The following SYT9 variants were observed in gnomAD, a reference collection of about 807,000 sequenced individuals.
SYT9 encodes the protein synaptotagmin 9.
A neutral mutation model predicts 48.4 loss-of-function variants in SYT9; 22 were observed. The observed-to-expected ratio is 0.45, with a 90% CI of 0.32 to 0.65. The LOEUF is 0.65. Ranked by LOEUF, SYT9 falls within the 30% of genes least tolerant of loss-of-function variation. The probability of loss-of-function intolerance (pLI) is 0.03; values close to 1 mark genes in which losing one functional copy is unlikely to be tolerated. For missense variants in SYT9, 577 were observed against 622.0 expected, an observed-to-expected ratio of 0.93 and a Z score of 0.77; for synonymous variants, 265 against 245.0, an observed-to-expected ratio of 1.08 and a Z score of -0.76.
chr11:7,310,648 G>A (rs746518205), intron 2 of SYT9, among the ~76,000 whole-genome samples: 17 of 151,884 alleles, frequency 1.1e-4, no homozygotes, highest in Non-Finnish European at 1.8e-4. Context: ...GGGTTTCACT[G>A]TGTTAGCCAG....
intron 6 of SYT9, chr11:7,453,980 T>C (rs67239573): frequency 0.29 from 283,945 of 981,686 alleles, 43,083 homozygotes; most frequent in African/African-American, 0.49. Flanking sequence ...GCACCCTCTG[T>C]GGTCTCCTCT....
intron 2 of SYT9, among the ~76,000 whole-genome samples, chr11:7,312,306 C>A (rs73395942): frequency 0.011 from 1,645 of 152,232 alleles, 30 homozygotes; most frequent in African/African-American, 0.038. Context: ...AAGAGAAGGG[C>A]AAATTCAAAT....
intron 3 of SYT9, among the ~76,000 whole-genome samples, chr11:7,348,092 C>T (rs1314526990): frequency 1.3e-5 from 2 of 152,190 alleles, no homozygotes; most frequent in African/African-American, 4.8e-5. Context: ...TTTAAAGGAA[C>T]TCTTTCTGCA....
intron 3 of SYT9, among the ~76,000 whole-genome samples, chr11:7,363,070 A>T (rs1850176509): frequency 7.2e-6 from 1 of 138,772 alleles, no homozygotes; most frequent in Non-Finnish European, 1.5e-5. Flanking sequence ...TCCATGAGTC[A>T]CCAGTGTCTG....
chr11:7,371,178 T>C (rs183990434), intron 3 of SYT9, among the ~76,000 whole-genome samples: 161 of 152,264 alleles, frequency 1.1e-3, no homozygotes, highest in Admixed American at 3.9e-3. Flanking sequence ...GTTAAAGAGA[T>C]TGGTTGTTTC....
intron 3 of SYT9, among the ~76,000 whole-genome samples, chr11:7,393,709 C>T (rs1846684985): frequency 6.6e-6 from 1 of 152,092 alleles, no homozygotes; most frequent in South Asian, 2.1e-4. Flanking sequence ...GCTGTGAATC[C>T]ATCTTGTCCA....
At chr11:7,457,574 CTTA>C (rs1170140272) in intron 6 of SYT9, 2 of 152,198 alleles carry the variant, frequency 1.3e-5, no homozygotes, top group African/African-American at 4.8e-5. Flanking sequence ...TTACTGATTT[CTTA>C]GATAAATTCT....
At chr11:7,266,311 T>C (rs1848180630) in intron 1 of SYT9, among the ~76,000 whole-genome samples, 1 of 152,170 alleles carries the variant, frequency 6.6e-6, no homozygotes, top group Admixed American at 6.5e-5. Flanking sequence ...TGTGTATTAC[T>C]TTAATTTTGA....
At chr11:7,403,818 A>T (rs1846947833) in intron 3 of SYT9, among the ~76,000 whole-genome samples, 1 of 152,158 alleles carries the variant, frequency 6.6e-6, no homozygotes, top group Non-Finnish European at 1.5e-5. Context: ...TCTTTATAAA[A>T]TGCCATTAGT....
intron 3 of SYT9, among the ~76,000 whole-genome samples, chr11:7,337,905 A>G (rs1480952864): frequency 2.0e-5 from 3 of 152,114 alleles, no homozygotes; most frequent in Non-Finnish European, 4.4e-5. Context: ...TCCCTCCTCC[A>G]CAGTTTTTTA....
intron 6 of SYT9, among the ~76,000 whole-genome samples, chr11:7,432,141 C>T (rs1847587052): frequency 6.6e-6 from 1 of 152,176 alleles, no homozygotes; most frequent in African/African-American, 2.4e-5. Flanking sequence ...TCCCTGGGGG[C>T]CAACCCTGCA....
chr11:7,421,823 T>C (rs935548260), intron 6 of SYT9, among the ~76,000 whole-genome samples: 1 of 152,198 alleles, frequency 6.6e-6, no homozygotes, highest in African/African-American at 2.4e-5. Context: ...AAAGATGACA[T>C]GTAAACTAAT....
At chr11:7,446,983 C>T (rs1198444430) in intron 6 of SYT9, among the ~76,000 whole-genome samples, 1 of 152,238 alleles carries the variant, frequency 6.6e-6, no homozygotes, top group East Asian at 1.9e-4. Flanking sequence ...GGCCCAGAGG[C>T]ATACATCCTG....
intron 1 of SYT9, among the ~76,000 whole-genome samples, chr11:7,302,786 T>C (rs945115631): frequency 1.3e-5 from 2 of 152,190 alleles, no homozygotes; most frequent in South Asian, 2.1e-4. Context: ...TAGCAGGCTG[T>C]TTATTGTTTC....
chr11:7,274,355 T>C (rs1848349188), intron 1 of SYT9, among the ~76,000 whole-genome samples: 1 of 150,468 alleles, frequency 6.6e-6, no homozygotes, highest in Non-Finnish European at 1.5e-5. Context: ...TCTTACTCTG[T>C]TGCCTAGGCT....
chr11:7,327,864 T>C (rs1440425932), intron 3 of SYT9, among the ~76,000 whole-genome samples: 3 of 80,996 alleles, frequency 3.7e-5, no homozygotes, highest in East Asian at 4.1e-4. Context: ...TAGGTGGGAA[T>C]TGAACAATGA....
At chr11:7,320,093 T>C (rs1420188928) in intron 3 of SYT9, among the ~76,000 whole-genome samples, 1 of 152,220 alleles carries the variant, frequency 6.6e-6, no homozygotes, top group African/African-American at 2.4e-5. Flanking sequence ...TATATTTGTC[T>C]TTCAATTGAG....
chr11:7,417,088 C>CTA (rs1240541971), intron 4 of SYT9, among the ~76,000 whole-genome samples: 2 of 152,052 alleles, frequency 1.3e-5, no homozygotes, highest in Admixed American at 1.3e-4. Context: ...ACAAAACACC[C>CTA]AGTACACCCT....
intron 6 of SYT9, among the ~76,000 whole-genome samples, chr11:7,428,990 T>C (rs1373768838): frequency 1.3e-5 from 2 of 152,184 alleles, no homozygotes; most frequent in Non-Finnish European, 2.9e-5. Flanking sequence ...GCCAAATTAA[T>C]GGAGGGTCTG....
Sources: allele counts gnomAD v4.1 joint callset (sites outside exome capture counted in the v4.1 genomes callset), GRCh38; gene constraint gnomAD v4.1.1; transcripts MANE v1.5; gene names NCBI Gene and HGNC (gene_info 2026-07-23, HGNC 2026-07-21).